The following PIGK variants were observed in gnomAD, a reference collection of about 807,000 sequenced individuals.
PIGK encodes the protein GPI-anchor transamidase.
In PIGK, 42 loss-of-function variants were observed where a neutral mutation model predicts 50.6. The ratio of observed to expected loss-of-function variants is 0.83; its 90% confidence interval spans 0.65 to 1.07. PIGK has a LOEUF of 1.07. Among genes scored for constraint, PIGK ranks in the 50% least tolerant of loss-of-function variants. The pLI, the probability that PIGK is intolerant of heterozygous loss-of-function variation, is 0.00. For missense variants in PIGK, 448 were observed against 488.7 expected (o/e 0.92, Z 0.78); for synonymous variants, 151 against 156.0 (o/e 0.97, Z 0.24).
intron 3 of PIGK, among the ~76,000 whole-genome samples, chr1:77,204,275 T>A (rs1008849393): frequency 1.3e-5 from 2 of 152,138 alleles, no homozygotes; most frequent in Admixed American, 1.3e-4. Context: ...AAGCCCAGTC[T>A]CCTGTAGCGC....
chr1:77,163,166 CTTTTA>C (rs1211738718), intron 6 of PIGK, among the ~76,000 whole-genome samples: 3 of 152,076 alleles, frequency 2.0e-5, no homozygotes, highest in African/African-American at 7.2e-5. Flanking sequence ...ATTGCTTATG[CTTTTA>C]TTTTAACATT....
At chr1:77,096,541 C>A (rs1170741402) in intron 10 of PIGK, among the ~76,000 whole-genome samples, 1 of 152,178 alleles carries the variant, frequency 6.6e-6, no homozygotes. Context: ...ACACTTCCAG[C>A]TACAGAAGAG....
chr1:77,146,964 G>A lies in PIGK; in HGVS notation c.986+7485C>T, dbSNP rs1654783325. Among the ~76,000 whole-genome samples, 4 of 152,016 alleles carry A rather than the reference G, an allele frequency of 2.6e-5. No individual in the cohort carries two copies. In the South Asian group the frequency reaches 8.3e-4, roughly 32 times the overall value. On this transcript the variant is annotated intron_variant, in intron 9 of 10. Transcript: ENST00000370812. ...AGAAAGACCCTGTGAGGGAAGATGA[G>A]GGAAAGAAGGGAGAGACAGGAAGGA...
chr1:77,150,557 A>G (rs779480501), intron 9 of PIGK, among the ~76,000 whole-genome samples: 1 of 151,976 alleles, frequency 6.6e-6, no homozygotes, highest in East Asian at 1.9e-4. Context: ...AAGATCAACA[A>G]AGCAAACTGT....
intron 10 of PIGK, among the ~76,000 whole-genome samples, chr1:77,106,786 A>G (rs185048901): frequency 7.2e-4 from 109 of 152,182 alleles, no homozygotes; most frequent in African/African-American, 2.4e-3. Context: ...TAGCATCTAC[A>G]TATCAATATA....
chr1:77,219,239 T>C (rs1656661056), intron 1 of PIGK, 71 bp downstream of exon 1: 1 of 1,279,274 alleles, frequency 7.8e-7, no homozygotes, highest in Admixed American at 1.7e-5. Flanking sequence ...CCTCAGCTAC[T>C]GTGTATCGGA....
At chr1:77,171,447 A>AAAAAAAAAAAAAAAAAAAAAAAAC (rs1655360725) in intron 3 of PIGK, among the ~76,000 whole-genome samples, 1 of 147,920 alleles carries the variant, frequency 6.8e-6, no homozygotes, top group Non-Finnish European at 1.5e-5. Flanking sequence ...AAAAAAAAAA[A>AAAAAAAAAAAAAAAAAAAAAAAAC]AAAAAAAAAA....
intron 10 of PIGK, among the ~76,000 whole-genome samples, chr1:77,111,922 T>C (rs141333626): frequency 2.6e-5 from 4 of 152,206 alleles, no homozygotes; most frequent in African/African-American, 9.6e-5. Context: ...GCCTTGGATA[T>C]AGAATTGGTA....
chr1:77,107,698 C>A (rs1337979340), intron 10 of PIGK, among the ~76,000 whole-genome samples: 1 of 152,114 alleles, frequency 6.6e-6, no homozygotes, highest in African/African-American at 2.4e-5. Context: ...GTGTTAAAGT[C>A]TCCCATTATT....
At chr1:77,192,083 C>T (rs1021496570) in intron 3 of PIGK, among the ~76,000 whole-genome samples, 2 of 151,792 alleles carry the variant, frequency 1.3e-5, no homozygotes, top group East Asian at 1.9e-4. Context: ...TGCAGTGAGC[C>T]GAGACCGCGC....
intron 1 of PIGK, among the ~76,000 whole-genome samples, chr1:77,214,928 G>T (rs1216159329): frequency 6.6e-6 from 1 of 151,882 alleles, no homozygotes; most frequent in Admixed American, 6.6e-5. Flanking sequence ...AAACACCTAG[G>T]AATAAATTTA....
At chr1:77,191,592 A>G (rs758086513) in intron 3 of PIGK, among the ~76,000 whole-genome samples, 5 of 152,272 alleles carry the variant, frequency 3.3e-5, no homozygotes, top group Non-Finnish European at 7.3e-5. Flanking sequence ...ATACATTTCT[A>G]GCGTCAAATG....
At chr1:77,133,373 C>T (rs979003698) in intron 9 of PIGK, among the ~76,000 whole-genome samples, 1 of 152,078 alleles carries the variant, frequency 6.6e-6, no homozygotes, top group African/African-American at 2.4e-5. Context: ...AACTCCCCAC[C>T]TTTTCATCTA....
At chr1:77,181,146 A>T (rs1199583536) in intron 3 of PIGK, among the ~76,000 whole-genome samples, 1 of 152,134 alleles carries the variant, frequency 6.6e-6, no homozygotes, top group Non-Finnish European at 1.5e-5. Flanking sequence ...TGATAAACAT[A>T]TATGAAGGGA....
chr1:77,176,629 T>C (rs1251272350), intron 3 of PIGK, among the ~76,000 whole-genome samples: 1 of 152,186 alleles, frequency 6.6e-6, no homozygotes, highest in East Asian at 1.9e-4. Flanking sequence ...TGGTGTCTTT[T>C]AGGAGGTTCA....
At chr1:77,121,579 G>C (rs1202470009) in intron 10 of PIGK, among the ~76,000 whole-genome samples, 2 of 152,100 alleles carry the variant, frequency 1.3e-5, no homozygotes, top group Non-Finnish European at 2.9e-5. Flanking sequence ...TGCCATTTAA[G>C]GGCTTTAAAT....
At chr1:77,149,269 C>T (rs1417594600) in intron 9 of PIGK, among the ~76,000 whole-genome samples, 3 of 152,042 alleles carry the variant, frequency 2.0e-5, no homozygotes, top group Non-Finnish European at 2.9e-5. Context: ...TATAAATTGA[C>T]TAAATTCTCC....
At chr1:77,178,975 TA>T (rs1469617135) in intron 3 of PIGK, among the ~76,000 whole-genome samples, 2 of 152,308 alleles carry the variant, frequency 1.3e-5, no homozygotes, top group East Asian at 1.9e-4. Flanking sequence ...GAAATTTTTT[TA>T]AAAGTTATGG....
intron 9 of PIGK, among the ~76,000 whole-genome samples, chr1:77,129,976 T>C (rs1654330836): frequency 6.6e-6 from 1 of 151,822 alleles, no homozygotes; most frequent in Non-Finnish European, 1.5e-5. Context: ...ATTGTTTTAA[T>C]GTCCATTTCC....
Sources: allele counts gnomAD v4.1 joint callset (sites outside exome capture counted in the v4.1 genomes callset), GRCh38; gene constraint gnomAD v4.1.1; transcripts MANE v1.5; gene names NCBI Gene and HGNC (gene_info 2026-07-23, HGNC 2026-07-21).